POLI: variants seen among roughly 807,000 people sequenced by gnomAD.
The protein encoded by POLI is DNA polymerase iota.
Under a neutral mutation model 51.6 loss-of-function variants are expected in POLI, and 58 were observed. The observed-to-expected ratio is 1.12, with a 90% CI of 0.91 to 1.40. The LOEUF is 1.40. POLI is among the 40% of genes most tolerant of loss of function. The pLI is 0.00. For synonymous variants in POLI, 322 were observed against 299.7 expected, an observed-to-expected ratio of 1.07 and a Z score of -0.77; for missense variants, 921 against 871.3, an observed-to-expected ratio of 1.06 and a Z score of -0.72.
chr18:54,280,615 A>T (rs999491405), intron 4 of POLI, 52 bp from the exon 5 acceptor site: 69 of 1,256,614 alleles, frequency 5.5e-5, no homozygotes, highest in Non-Finnish European at 7.6e-5. Context: ...TATTTTGTGA[A>T]AAAGAAAAAG....
intron 3 of POLI, among the ~76,000 whole-genome samples, chr18:54,305,441 G>A (rs1175946878): frequency 1.3e-5 from 2 of 152,082 alleles, no homozygotes; most frequent in Non-Finnish European, 2.9e-5. Context: ...ATTTCATTGA[G>A]CAGTGGTTTG....
intron 1 of POLI, chr18:54,269,926 G>A: frequency 8.4e-7 from 1 of 1,197,406 alleles, no homozygotes; most frequent in Admixed American, 4.5e-5. Context: ...CTCTGTGAGG[G>A]GCGAGGTGGG....
chr18:54,274,116 T>C, intron 3 of POLI, 26 bp downstream of exon 3: 1 of 1,276,738 alleles, frequency 7.8e-7, no homozygotes, highest in Non-Finnish European at 1.0e-6. Context: ...AATGTACTTT[T>C]AGCATTAATT....
intron 2 of POLI, among the ~76,000 whole-genome samples, chr18:54,272,630 C>T (rs761168733): frequency 6.6e-6 from 1 of 151,270 alleles, no homozygotes; most frequent in Non-Finnish European, 1.5e-5. Flanking sequence ...CGCCACCATA[C>T]TCGGTTAATT....
In POLI at chr18:54,273,999, T is replaced by C; in HGVS notation, c.315T>C (p.Asn105=). ...AACTTGGAGTTAAGAAACTTATGAATGTCAGAGATGCAAAAGAAAAGTGTC... is the reference window on the plus strand; with the variant it reads ...AACTTGGAGTTAAGAAACTTATGAACGTCAGAGATGCAAAAGAAAAGTGTC... ...ARKLGVKKLM[N]VRDAKEKCPQ... The change falls in exon 3 of 10, where the codon AAT becomes AAC. Residue 105 remains asparagine, a synonymous_variant. Transcript: ENST00000579534. 1.3e-6 allele frequency: 2 copies of C among 1,585,116 alleles called. No homozygotes were observed. The highest frequency in any genetic ancestry group is 1.8e-5 in the Admixed American group (1 of 56,938).
downstream of POLI, among the ~76,000 whole-genome samples, chr18:54,301,340 A>G (rs1386450994): frequency 6.6e-6 from 1 of 151,372 alleles, no homozygotes; most frequent in Admixed American, 6.6e-5. Flanking sequence ...ATGAACATAC[A>G]AAAAAAAATC....
intron 3 of POLI, among the ~76,000 whole-genome samples, chr18:54,304,321 T>C (rs981925757): frequency 9.9e-5 from 15 of 152,168 alleles, no homozygotes; most frequent in Non-Finnish European, 1.9e-4. Flanking sequence ...TTCTAGATCC[T>C]TGAGGAATCA....
At chr18:54,292,096 T>C in intron 9 of POLI, 58 bp downstream of exon 9, 1 of 1,033,472 alleles carries the variant, frequency 9.7e-7, no homozygotes, top group Non-Finnish European at 1.5e-6. Flanking sequence ...ATTTGTGTGG[T>C]TACATTACAA....
intron 9 of POLI, among the ~76,000 whole-genome samples, chr18:54,292,305 A>G (rs630111): frequency 0.069 from 10,491 of 152,240 alleles, 426 homozygotes; most frequent in African/African-American, 0.087. Flanking sequence ...AACACATTTT[A>G]TAGTATATAA....
intron 3 of POLI, among the ~76,000 whole-genome samples, chr18:54,317,045 T>C (rs1227567088): frequency 6.6e-6 from 1 of 152,248 alleles, no homozygotes; most frequent in Non-Finnish European, 1.5e-5. Context: ...TTCAAAATTC[T>C]TTCTAAGAAA....
At chr18:54,300,342 A>T (rs1313710281), downstream of POLI, among the ~76,000 whole-genome samples, 1 of 152,182 alleles carries the variant, frequency 6.6e-6, no homozygotes, top group African/African-American at 2.4e-5. Flanking sequence ...AAATGGTAGT[A>T]TATTATTGTA....
intron 3 of POLI, among the ~76,000 whole-genome samples, chr18:54,313,297 C>T (rs1489585186): frequency 1.3e-5 from 2 of 152,094 alleles, no homozygotes; most frequent in African/African-American, 4.8e-5. Context: ...TTACTCTGCT[C>T]CATTGGTGTA....
intron 3 of POLI, among the ~76,000 whole-genome samples, chr18:54,317,244 C>T (rs527324791): frequency 2.0e-5 from 3 of 152,276 alleles, no homozygotes; most frequent in African/African-American, 7.2e-5. Context: ...GCCCCAGTTA[C>T]GTCAGCCCAC....
chr18:54,317,267 C>T (rs1026924550), intron 3 of POLI, among the ~76,000 whole-genome samples: 2 of 152,176 alleles, frequency 1.3e-5, no homozygotes, highest in African/African-American at 2.4e-5. Context: ...CATCCTTTCT[C>T]AGATAACCCA....
rs747370315 is a variant in POLI at position 54,269,519 on chromosome 18, A to G, written c.-28A>G. 2.7e-6 allele frequency: 4 copies of G among 1,504,936 alleles called. No homozygotes were observed. In the East Asian group the frequency reaches 1.1e-4, roughly 42 times the overall value. 93.2% of individuals were successfully genotyped at this position (1,504,936 alleles called of 1,614,324 possible). A position where few individuals can be genotyped will look rare whatever the true frequency, so the allele number is the denominator to read the frequency against. ...CTGGAGACCAGGCGGAAGCGGCCGG[A>G]AGTAGCGCTGCGGTTGGCAGCGGCG... is the stretch of plus-strand genomic sequence containing the variant. On this transcript the variant is annotated 5_prime_UTR_variant, in exon 1 of 10. Coordinates refer to ENST00000579534, the MANE Select transcript of POLI (RefSeq NM_007195.3).
intron 4 of POLI, among the ~76,000 whole-genome samples, chr18:54,279,617 A>G (rs2087408196): frequency 6.6e-6 from 1 of 152,010 alleles, no homozygotes; most frequent in Admixed American, 6.6e-5. Flanking sequence ...CTCTCTATGG[A>G]TTGCTTGGTT....
rs1212081170 is a variant in POLI, at chr18:54,283,946, A to T, written c.1000A>T (p.Lys334Ter). 3 of 1,411,648 alleles carry T rather than the reference A, an allele frequency of 2.1e-6. No homozygotes were observed. Among genetic ancestry groups the T allele is most frequent in the Non-Finnish European group, 3.0e-6 (3 of 1,005,882 alleles). The allele number at this position is 1,411,648 out of a possible 1,614,324, so 87.4% of individuals were successfully genotyped here. A position where few individuals can be genotyped will look rare whatever the true frequency, so the allele number is the denominator to read the frequency against. The change falls in exon 7 of 10, where the codon AAA (lysine) becomes TAA (stop). Residue 334 changes from lysine to a stop codon, truncating the protein, a stop_gained. Transcript: ENST00000579534. LOFTEE classifies it high-confidence loss of function. ...GTCCTTTAGTGAAGAAGATTCATTTAAAAAATGTTCATCTGAAGTTGAAGC... is the reference window on the plus strand; with the variant it reads ...GTCCTTTAGTGAAGAAGATTCATTTTAAAAATGTTCATCTGAAGTTGAAGC... ...PQSFSEEDSF[K>*]KCSSEVEAKN...
chr18:54,311,052 G>T (rs1270479602), intron 3 of POLI: 2 of 972,690 alleles, frequency 2.1e-6, no homozygotes, highest in East Asian at 1.1e-4. Context: ...ATGAGCCACT[G>T]TGCCCAGTCT....
chr18:54,307,132 C>T (rs666307), intron 3 of POLI, among the ~76,000 whole-genome samples: 10,457 of 152,144 alleles, frequency 0.069, 421 homozygotes, highest in African/African-American at 0.087. Context: ...CTTCTGCTAG[C>T]TTTTGAATTT....
Sources: allele counts gnomAD v4.1 joint callset (sites outside exome capture counted in the v4.1 genomes callset), GRCh38; gene constraint gnomAD v4.1.1; transcripts MANE v1.5; gene names NCBI Gene and HGNC (gene_info 2026-07-23, HGNC 2026-07-21).